HMCN1: variants seen among roughly 807,000 people sequenced by gnomAD.
HMCN1 encodes hemicentin 1, also known as hemicentin-1.
In HMCN1, 321 loss-of-function variants were observed where a neutral mutation model predicts 625.9. The ratio of observed to expected loss-of-function variants is 0.51; its 90% CI spans 0.47 to 0.56. The LOEUF is 0.56. Ranked by LOEUF, HMCN1 falls within the 20% of genes least tolerant of loss-of-function variation. HMCN1 has a pLI of 0.00. For missense variants in HMCN1, 6,588 were observed against 6,887.3 expected (o/e 0.96, Z 1.54); for synonymous variants, 2,425 against 2,417.6 (o/e 1.00, Z -0.09).
chr1:185,778,794 T>TGCA (rs1246931693), intron 1 of HMCN1, among the ~76,000 whole-genome samples: 1 of 152,190 alleles, frequency 6.6e-6, no homozygotes, highest in Non-Finnish European at 1.5e-5. Context: ...TGAATAGTGC[T>TGCA]GTAATGCACA....
Position 186,103,511 on chromosome 1 carries a change from T to C in HMCN1, c.10613T>C (p.Ile3538Thr). The change falls in exon 69 of 107, where the codon ATA becomes ACA. Residue 3538 changes from isoleucine to threonine, a missense_variant. Physicochemically the swap from Ile to Thr is moderately conservative, Grantham distance 89 (BLOSUM62 -1). Transcript: ENST00000271588. ...HINGSEEHEE[I>T]SVIVNNPLEL... ...AATGGATCTGAAGAACATGAAGAGA[T>C]ATCAGTAATTGTTAATAACCCACTT... The C allele has an allele frequency of 1.2e-6, 2 of 1,613,642 alleles. No individual in the cohort carries two copies. Among genetic ancestry groups the C allele is most frequent in the Non-Finnish European group, 1.7e-6 (2 of 1,179,620 alleles).
intron 11 of HMCN1, among the ~76,000 whole-genome samples, chr1:185,947,428 T>C (rs1344791325): frequency 1.3e-5 from 2 of 152,208 alleles, no homozygotes; most frequent in African/African-American, 2.4e-5. Context: ...TAGTCTTCTA[T>C]ACAAAGAAGA....
chr1:185,826,057 A>G (rs1031546632), intron 1 of HMCN1, among the ~76,000 whole-genome samples: 3 of 152,206 alleles, frequency 2.0e-5, no homozygotes, highest in African/African-American at 7.2e-5. Flanking sequence ...CATTTGTAAA[A>G]TGAAGATAAT....
chr1:185,776,792 G>C (rs1656644611), intron 1 of HMCN1, among the ~76,000 whole-genome samples: 1 of 152,122 alleles, frequency 6.6e-6, no homozygotes, highest in Non-Finnish European at 1.5e-5. Flanking sequence ...GTGGTTGCCT[G>C]TTTCAGATGT....
chr1:186,045,550 A>G (rs1656502430), intron 40 of HMCN1, 138 bp from the exon 41 acceptor site: 1 of 706,356 alleles, frequency 1.4e-6, no homozygotes. Context: ...CAAGTGATGC[A>G]AAGTGATGTT....
intron 10 of HMCN1, among the ~76,000 whole-genome samples, chr1:185,932,614 C>G (rs184527082): frequency 3.3e-3 from 496 of 152,080 alleles, no homozygotes; most frequent in African/African-American, 0.011. Flanking sequence ...AGAGCTAACA[C>G]AGGAACAGAA....
intron 76 of HMCN1, 65 bp downstream of exon 76, chr1:186,117,180 T>C: frequency 6.3e-7 from 1 of 1,588,954 alleles, no homozygotes; most frequent in Non-Finnish European, 8.6e-7. Context: ...TCTACTACTT[T>C]ACAAAAGGGA....
chr1:185,748,228 C>T (rs935998391), intron 1 of HMCN1, among the ~76,000 whole-genome samples: 16 of 152,022 alleles, frequency 1.1e-4, no homozygotes, highest in Admixed American at 5.9e-4. Context: ...CTAGAGCACA[C>T]AGAAAACCTC....
chr1:185,743,982 GT>G (rs1214723950), intron 1 of HMCN1, among the ~76,000 whole-genome samples: 23,438 of 86,206 alleles, frequency 0.27, 950 homozygotes, highest in African/African-American at 0.32. Context: ...TTACTGTTTT[GT>G]TTTTTTTTTT....
At chr1:185,805,870 T>C (rs16824524) in intron 1 of HMCN1, among the ~76,000 whole-genome samples, 13,699 of 151,992 alleles carry the variant, frequency 0.09, 1,987 homozygotes, top group African/African-American at 0.31. Context: ...ACAAAATATG[T>C]GCTCTAATCA....
intron 1 of HMCN1, among the ~76,000 whole-genome samples, chr1:185,750,520 T>G (rs1654731681): frequency 6.6e-6 from 1 of 152,150 alleles, no homozygotes; most frequent in African/African-American, 2.4e-5. Context: ...TAAGGATTGT[T>G]TTATCTTTGT....
chr1:185,967,209 A>C (rs573496151), intron 14 of HMCN1, among the ~76,000 whole-genome samples: 1 of 152,130 alleles, frequency 6.6e-6, no homozygotes, highest in Non-Finnish European at 1.5e-5. Context: ...GGAAATGCCA[A>C]CTTCTATATA....
At chr1:185,892,532 C>G (rs547544957) in intron 4 of HMCN1, among the ~76,000 whole-genome samples, 2 of 152,216 alleles carry the variant, frequency 1.3e-5, no homozygotes, top group East Asian at 3.9e-4. Context: ...TTCTAACAGA[C>G]AGGACCCTCA....
chr1:186,155,718 A>G (rs1406261335), intron 97 of HMCN1, among the ~76,000 whole-genome samples: 1 of 152,192 alleles, frequency 6.6e-6, no homozygotes, highest in African/African-American at 2.4e-5. Flanking sequence ...CTATCCTTAG[A>G]CACTGTGATT....
chr1:185,739,534 G>A (rs1315324668), intron 1 of HMCN1, among the ~76,000 whole-genome samples: 1 of 152,104 alleles, frequency 6.6e-6, no homozygotes, highest in East Asian at 1.9e-4. Flanking sequence ...GTGTTTTAAT[G>A]AGTTACTTCA....
intron 37 of HMCN1, among the ~76,000 whole-genome samples, 157 bp downstream of exon 37, chr1:186,038,192 T>A: frequency 6.6e-6 from 1 of 152,176 alleles, no homozygotes; most frequent in East Asian, 1.9e-4. Context: ...AGATAACATT[T>A]TTGAATTTTT....
At chr1:186,062,015 C>G in intron 47 of HMCN1, 51 bp downstream of exon 47, 3 of 1,143,360 alleles carry the variant, frequency 2.6e-6, no homozygotes, top group Non-Finnish European at 4.0e-6. Context: ...GCCTTAAATC[C>G]TGGAAGCAGA....
chr1:185,756,929 T>G (rs1655170905), intron 1 of HMCN1, among the ~76,000 whole-genome samples: 1 of 152,162 alleles, frequency 6.6e-6, no homozygotes, highest in Non-Finnish European at 1.5e-5. Flanking sequence ...TTTTAAAAAT[T>G]GCATCATCTG....
At chr1:185,866,053 G>A (rs911621070) in intron 4 of HMCN1, among the ~76,000 whole-genome samples, 190 bp downstream of exon 4, 1 of 152,036 alleles carries the variant, frequency 6.6e-6, no homozygotes, top group Non-Finnish European at 1.5e-5. Context: ...TTAATTTTTA[G>A]ATTGTATTAC....
Sources: gnomAD v4.1 joint callset for allele counts (sites outside exome capture counted in the v4.1 genomes callset) on GRCh38, gnomAD v4.1.1 for gene constraint, MANE v1.5 for transcripts, NCBI Gene and HGNC (gene_info 2026-07-23, HGNC 2026-07-21) for gene names.